Variants in HMBOX1 observed in about 807,000 individuals in gnomAD.
The protein encoded by HMBOX1 is homeobox-containing protein 1.
HMBOX1 carries 14 observed loss-of-function variants against 54.5 expected under a neutral mutation model. That is an observed-to-expected ratio of 0.26 (90% CI 0.17 to 0.40). The LOEUF (loss-of-function observed/expected upper bound fraction) is 0.40. Among genes scored for constraint, HMBOX1 ranks in the 10% least tolerant of loss-of-function variants. The pLI, the probability that HMBOX1 is intolerant of heterozygous loss-of-function variation, is 1.00. For missense variants in HMBOX1, 332 were observed against 514.4 expected (o/e 0.65, Z 3.43); for synonymous variants, 160 against 181.0 (o/e 0.88, Z 0.93).
At chr8:28,948,088 T>C (rs975161972) in intron 1 of HMBOX1, among the ~76,000 whole-genome samples, 4 of 152,176 alleles carry the variant, frequency 2.6e-5, no homozygotes, top group Non-Finnish European at 4.4e-5. Flanking sequence ...GTACCAGGCC[T>C]AACCTAACCT....
intron 9 of HMBOX1, 148 bp downstream of exon 9, chr8:29,049,196 A>G: frequency 1.3e-6 from 2 of 1,496,824 alleles, no homozygotes; most frequent in South Asian, 1.2e-5. Flanking sequence ...GTTAGATTTC[A>G]TGTAATTTGA....
chr8:28,933,747 A>G (rs2131932553), intron 1 of HMBOX1, among the ~76,000 whole-genome samples: 1 of 152,354 alleles, frequency 6.6e-6, no homozygotes, highest in East Asian at 1.9e-4. Flanking sequence ...AGCTCACTCA[A>G]GAAGAAATAA....
At chr8:28,929,544 A>G (rs950350331) in intron 1 of HMBOX1, among the ~76,000 whole-genome samples, 2 of 152,134 alleles carry the variant, frequency 1.3e-5, no homozygotes, top group African/African-American at 4.8e-5. Flanking sequence ...AGAGCGTGTA[A>G]GATACTAAAA....
intron 1 of HMBOX1, among the ~76,000 whole-genome samples, chr8:28,909,388 A>G (rs765815522): frequency 2.6e-5 from 4 of 152,234 alleles, no homozygotes; most frequent in Non-Finnish European, 5.9e-5. Context: ...AATATGATAC[A>G]AGTCCAAATA....
At chr8:28,916,479 GC>G (rs1816572000) in intron 1 of HMBOX1, among the ~76,000 whole-genome samples, 1 of 152,184 alleles carries the variant, frequency 6.6e-6, no homozygotes, top group South Asian at 2.1e-4. Flanking sequence ...TTGAGTTAAT[GC>G]GTGTAGAAGA....
Position 29,051,042 on chromosome 8 carries a change from C to T in HMBOX1, c.1150C>T (p.His384Tyr), listed in dbSNP as rs778086260. The T allele has an allele frequency of 6.2e-7, 1 of 1,613,388 alleles. No homozygotes were observed. Among genetic ancestry groups the T allele is most frequent in the East Asian group, 2.2e-5 (1 of 44,866 alleles). ...GGATGACAGTACGAGCCATAGTGACCACCAAGACCCCATCTCATTAGCTGT... is the reference window on the plus strand; with the variant it reads ...GGATGACAGTACGAGCCATAGTGACTACCAAGACCCCATCTCATTAGCTGT... The part of the protein sequence containing the change: ...EQDDSTSHSD[H>Y]QDPISLAVEM... The change falls in exon 10 of 10, where the codon CAC becomes TAC. Residue 384 changes from histidine to tyrosine, a missense_variant. His to Tyr is a moderately conservative substitution (Grantham distance 83). Around this residue, in one of 4 missense-constraint regions of HMBOX1, gnomAD observed 69 missense variants for 104.6 expected, o/e 0.66. Transcript: ENST00000287701.
chr8:29,009,940 G>T (rs1834015113), intron 5 of HMBOX1: 1 of 1,075,910 alleles, frequency 9.3e-7, no homozygotes. Context: ...GTTCTGTAAT[G>T]CTGCAGCCTC....
At chr8:28,931,943 C>A (rs1456215269) in intron 1 of HMBOX1, among the ~76,000 whole-genome samples, 1 of 152,156 alleles carries the variant, frequency 6.6e-6, no homozygotes, top group African/African-American at 2.4e-5. Flanking sequence ...GAGCCTGAAA[C>A]AATCTCTACT....
At chr8:28,900,721 CTTTT>C (rs969824547) in intron 1 of HMBOX1, among the ~76,000 whole-genome samples, 5 of 152,038 alleles carry the variant, frequency 3.3e-5, no homozygotes, top group Non-Finnish European at 1.5e-5. Context: ...AGAAGACAGT[CTTTT>C]TTTATTCCCA....
intron 1 of HMBOX1, among the ~76,000 whole-genome samples, chr8:28,959,233 T>C (rs1192991936): frequency 3.3e-5 from 5 of 152,100 alleles, no homozygotes; most frequent in Admixed American, 3.3e-4. Flanking sequence ...CCAGCATCAT[T>C]ATTCTTGAGC....
intron 5 of HMBOX1, among the ~76,000 whole-genome samples, chr8:29,013,155 G>C (rs1288586419): frequency 6.6e-6 from 1 of 152,068 alleles, no homozygotes; most frequent in African/African-American, 2.4e-5. Context: ...TGTTGTTGTT[G>C]AGACAGAGTC....
chr8:28,891,963 A>G (rs1019147289), intron 1 of HMBOX1, among the ~76,000 whole-genome samples: 3 of 151,970 alleles, frequency 2.0e-5, no homozygotes, highest in African/African-American at 7.2e-5. Flanking sequence ...AGGTACAGAA[A>G]CCTCTGGCTT....
At chr8:29,031,747 G>A (rs1803001505) in intron 6 of HMBOX1, among the ~76,000 whole-genome samples, 1 of 152,096 alleles carries the variant, frequency 6.6e-6, no homozygotes, top group Non-Finnish European at 1.5e-5. Context: ...TCAACACTGT[G>A]CCCCGTGCTG....
intron 4 of HMBOX1, among the ~76,000 whole-genome samples, chr8:29,000,386 G>A (rs889842172): frequency 6.6e-6 from 1 of 152,136 alleles, no homozygotes; most frequent in Non-Finnish European, 1.5e-5. Flanking sequence ...CATGTGCACA[G>A]CCCTATACAA....
rs1030244899 is a variant in HMBOX1 at position 28,970,555 on chromosome 8, G to T, written c.500+36G>T. On this transcript the variant is annotated intron_variant, in intron 3 of 9. Coordinates refer to ENST00000287701, the MANE Select transcript of HMBOX1 (RefSeq NM_001135726.3). This position sits in a 1 kb window ranked among gnomAD's most constrained non-coding sequence, Gnocchi z 4.3. The stretch of plus-strand genomic sequence containing the variant: ...TTGCTTATTCAGAGTCCCTAAAAAT[G>T]TCTGTATTCTTAGATTGTTTTTAAG... The T allele has an allele frequency of 7.6e-7, 1 of 1,321,374 alleles. No individual in the cohort carries two copies. The highest frequency in any genetic ancestry group is 1.5e-5 in the African/African-American group (1 of 68,244). 81.9% of individuals were successfully genotyped at this position (1,321,374 alleles called of 1,614,324 possible).
At chr8:28,903,607 T>C (rs990677801) in intron 1 of HMBOX1, among the ~76,000 whole-genome samples, 1 of 152,234 alleles carries the variant, frequency 6.6e-6, no homozygotes, top group African/African-American at 2.4e-5. Flanking sequence ...ACTATCATCA[T>C]GTACAAAGAT....
chr8:28,962,603 A>G (rs1290095070), intron 1 of HMBOX1, among the ~76,000 whole-genome samples: 1 of 151,932 alleles, frequency 6.6e-6, no homozygotes, highest in African/African-American at 2.4e-5. Flanking sequence ...CCCTAAATAA[A>G]TCTCATAATT....
intron 1 of HMBOX1, among the ~76,000 whole-genome samples, chr8:28,938,780 A>G (rs1467118455): frequency 2.3e-5 from 2 of 86,412 alleles, no homozygotes; most frequent in African/African-American, 8.5e-5. Context: ...TCATTTCTTT[A>G]TCTGGAGTAG....
chr8:29,028,400 A>C (rs2133135978), intron 6 of HMBOX1, among the ~76,000 whole-genome samples: 1 of 152,320 alleles, frequency 6.6e-6, no homozygotes, highest in East Asian at 1.9e-4. Context: ...GAAGAGACAA[A>C]TCAGCTTGTA....
Sources: gnomAD v4.1 joint callset for allele counts (sites outside exome capture counted in the v4.1 genomes callset) on GRCh38, gnomAD v4.1.1 for gene constraint, gnomAD v4.1.1 regional missense constraint, Gnocchi (gnomAD v3.1) non-coding constraint, MANE v1.5 for transcripts, NCBI Gene and HGNC (gene_info 2026-07-23, HGNC 2026-07-21) for gene names.